The following SLC1A3 variants were observed in gnomAD, a reference collection of about 807,000 sequenced individuals.
The protein encoded by SLC1A3 is excitatory amino acid transporter 1.
Under a neutral mutation model 48.1 loss-of-function variants are expected in SLC1A3, and 21 were observed. That is an observed-to-expected ratio of 0.44 (90% CI 0.31 to 0.63). SLC1A3 has a LOEUF of 0.63. Ranked by LOEUF, SLC1A3 falls within the 20% of genes least tolerant of loss-of-function variation. The pLI, the probability that SLC1A3 is intolerant of heterozygous loss-of-function variation, is 0.08. For missense variants in SLC1A3, 546 were observed against 689.0 expected (o/e 0.79, Z 2.32); for synonymous variants, 239 against 251.4 (o/e 0.95, Z 0.47).
intron 3 of SLC1A3, among the ~76,000 whole-genome samples, chr5:36,664,088 T>C (rs973807427): frequency 7.9e-5 from 12 of 152,292 alleles, no homozygotes; most frequent in African/African-American, 2.6e-4. Flanking sequence ...GAAACAAAGA[T>C]GGTAGGAAGG....
At chr5:36,618,979 G>A (rs1449994288) in intron 2 of SLC1A3, among the ~76,000 whole-genome samples, 1 of 152,112 alleles carries the variant, frequency 6.6e-6, no homozygotes, top group Non-Finnish European at 1.5e-5. Flanking sequence ...AAAACTCCAA[G>A]GTTCTTCTGA....
intron 9 of SLC1A3, 27 bp from the exon 10 acceptor site, chr5:36,686,038 T>C (rs1742630529): frequency 6.2e-7 from 1 of 1,605,034 alleles, no homozygotes; most frequent in Non-Finnish European, 8.5e-7. Context: ...GAGCCTCGTT[T>C]TTCCCTCCTC....
intron 5 of SLC1A3, 95 bp from the exon 6 acceptor site, chr5:36,676,797 G>C: frequency 1.1e-6 from 1 of 927,844 alleles, no homozygotes; most frequent in South Asian, 1.6e-5. Context: ...AAGTAACAGA[G>C]TAACAGTAAT....
chr5:36,650,784 A>C (rs1324923720), intron 3 of SLC1A3, among the ~76,000 whole-genome samples: 1 of 152,228 alleles, frequency 6.6e-6, no homozygotes, highest in Non-Finnish European at 1.5e-5. Context: ...CAATTGGCCA[A>C]AGGATATTGA....
upstream of SLC1A3, among the ~76,000 whole-genome samples, chr5:36,606,180 A>C (rs1738931492): frequency 6.6e-6 from 1 of 152,262 alleles, no homozygotes; most frequent in African/African-American, 2.4e-5. Context: ...ACGTCAGTTA[A>C]TTCCCCGATT....
At chr5:36,677,260 G>T (rs570458170) in intron 6 of SLC1A3, 76 bp downstream of exon 6, 25 of 1,331,694 alleles carry the variant, frequency 1.9e-5, no homozygotes, top group Non-Finnish European at 2.6e-5. Context: ...TACTGAGGAA[G>T]GTGCCACGAG....
At chr5:36,616,733 T>TA (rs1263667404) in intron 2 of SLC1A3, among the ~76,000 whole-genome samples, 2 of 152,184 alleles carry the variant, frequency 1.3e-5, no homozygotes, top group Admixed American at 1.3e-4. Flanking sequence ...TTACTTGAAA[T>TA]ATCATCTTTC....
At chr5:36,686,026 G>A (rs773745438) in intron 9 of SLC1A3, 39 bp from the exon 10 acceptor site, 18 of 1,560,028 alleles carry the variant, frequency 1.2e-5, no homozygotes, top group Middle Eastern at 1.9e-4. Flanking sequence ...TGATGCTCAC[G>A]GGAGCCTCGT....
intron 1 of SLC1A3, among the ~76,000 whole-genome samples, chr5:36,601,022 C>T (rs543570445): frequency 1.3e-5 from 2 of 152,182 alleles, no homozygotes; most frequent in African/African-American, 4.8e-5. Context: ...TTCTGACTTA[C>T]AATAAACAAT....
chr5:36,599,734 C>T, intron 1 of SLC1A3, among the ~76,000 whole-genome samples: 1 of 151,994 alleles, frequency 6.6e-6, no homozygotes, highest in Non-Finnish European at 1.5e-5. Flanking sequence ...TCTCGTACTC[C>T]TGACCTTGTG....
chr5:36,651,139 TTTAAAAAA>T (rs1162908660), intron 3 of SLC1A3, among the ~76,000 whole-genome samples: 96 of 68,446 alleles, frequency 1.4e-3, no homozygotes, highest in Admixed American at 0.012. Context: ...CTAAGTTTTT[TTTAAAAAA>T]AAAAAAAAAA....
At chr5:36,632,494 T>A (rs957730966) in intron 3 of SLC1A3, among the ~76,000 whole-genome samples, 1 of 152,218 alleles carries the variant, frequency 6.6e-6, no homozygotes, top group Non-Finnish European at 1.5e-5. Context: ...GGAAAGCCTC[T>A]TCTCTCCATC....
At chr5:36,673,940 T>A in intron 4 of SLC1A3, 109 bp from the exon 5 acceptor site, 1 of 878,440 alleles carries the variant, frequency 1.1e-6, no homozygotes, top group Non-Finnish European at 1.9e-6. Flanking sequence ...TGTTTTTCCA[T>A]TTGTTGCTTG....
At chr5:36,676,518 A>T (rs1325232300) in intron 5 of SLC1A3, among the ~76,000 whole-genome samples, 2 of 152,200 alleles carry the variant, frequency 1.3e-5, no homozygotes, top group East Asian at 1.9e-4. Flanking sequence ...TTATGGTTTT[A>T]AAAAAATCCC....
chr5:36,609,760 C>T (rs1160476336), intron 2 of SLC1A3, among the ~76,000 whole-genome samples: 1 of 152,078 alleles, frequency 6.6e-6, no homozygotes, highest in Non-Finnish European at 1.5e-5. Context: ...AGAACATGTC[C>T]TAACTGACCC....
chr5:36,641,174 T>C (rs1044678145), intron 3 of SLC1A3, among the ~76,000 whole-genome samples: 1 of 152,244 alleles, frequency 6.6e-6, no homozygotes, highest in Non-Finnish European at 1.5e-5. Context: ...AAAATGTTTA[T>C]GCTGTGAAAT....
At chr5:36,675,399 A>G (rs889979085) in intron 5 of SLC1A3, among the ~76,000 whole-genome samples, 3 of 152,186 alleles carry the variant, frequency 2.0e-5, no homozygotes, top group Admixed American at 6.5e-5. Context: ...GCCCTGTGTG[A>G]TATCAAAAAT....
chr5:36,638,312 G>A (rs914324176), intron 3 of SLC1A3, among the ~76,000 whole-genome samples: 1 of 152,092 alleles, frequency 6.6e-6, no homozygotes. Context: ...AGCAGCCTTC[G>A]CAAGCCCCTC....
rs547263563 is a variant in SLC1A3 at position 36,616,174 on chromosome 5, G to T, written c.181+7570G>T. Reference sequence around the variant, plus strand: ...CGTGCCACTGCACTCCAGCCTAGGTGACAGATAGAGACTCCATCTAAAAAA... The same window carrying T: ...CGTGCCACTGCACTCCAGCCTAGGTTACAGATAGAGACTCCATCTAAAAAA... On this transcript the variant is annotated intron_variant, in intron 2 of 9. Transcript: ENST00000265113. Among the ~76,000 whole-genome samples, 27 of 152,172 alleles carry T rather than the reference G, an allele frequency of 1.8e-4. No homozygotes were observed. The South Asian group carries it at 5.4e-3, about 30-fold the overall frequency.
Sources: gnomAD v4.1 joint callset for allele counts (sites outside exome capture counted in the v4.1 genomes callset) on GRCh38, gnomAD v4.1.1 for gene constraint, MANE v1.5 for transcripts, NCBI Gene and HGNC (gene_info 2026-07-23, HGNC 2026-07-21) for gene names.